TATDN3: variants seen among roughly 807,000 people sequenced by gnomAD.
TATDN3 encodes deoxyribonuclease TATDN3.
A neutral mutation model predicts 40.1 loss-of-function variants in TATDN3; 29 were observed. The ratio of observed to expected loss-of-function variants is 0.72; its 90% CI spans 0.54 to 0.99. TATDN3 has a LOEUF of 0.99. Among genes scored for constraint, TATDN3 ranks in the 50% least tolerant of loss-of-function variants. The pLI is 0.00. For synonymous variants in TATDN3, 105 were observed against 117.0 expected, an observed-to-expected ratio of 0.90 and a Z score of 0.66; for missense variants, 309 against 321.9, an observed-to-expected ratio of 0.96 and a Z score of 0.31.
intron 7 of TATDN3, among the ~76,000 whole-genome samples, chr1:212,805,678 C>G: frequency 6.6e-6 from 1 of 152,170 alleles, no homozygotes. Context: ...GCTGCTACTT[C>G]AGAAATGCAG....
At position 212,791,920 on chromosome 1, in the gene TATDN3, C is replaced by G. The variant is rs115784129; in HGVS notation, c.-2C>G. 2.7e-3 allele frequency: 4,341 copies of G among 1,613,444 alleles called. 102 individuals carry two copies. In the African/African-American group the frequency reaches 0.052, roughly 19 times the overall value. ...GTCTAAAGCGGCAGCCGCCGGGGCG[C>G]AATGCGAGCGGCTGGCGTAGGCTTG... On this transcript the variant is annotated 5_prime_UTR_variant, in exon 1 of 10. Coordinates refer to ENST00000366974, the MANE Select transcript of TATDN3 (RefSeq NM_001042552.3).
chr1:212,792,728 C>G (rs1461771757), intron 1 of TATDN3, among the ~76,000 whole-genome samples: 1 of 151,254 alleles, frequency 6.6e-6, no homozygotes, highest in African/African-American at 2.4e-5. Context: ...ACTTGTAATC[C>G]TAGCACTATG....
At chr1:212,814,941 C>T (rs1663104893) in intron 9 of TATDN3, 72 bp from the exon 10 acceptor site, 12 of 1,466,684 alleles carry the variant, frequency 8.2e-6, no homozygotes, top group Non-Finnish European at 1.1e-5. Context: ...TCATTTTCTT[C>T]TATCTATAGT....
intron 5 of TATDN3, among the ~76,000 whole-genome samples, chr1:212,803,309 A>C (rs948186065): frequency 6.6e-6 from 1 of 151,674 alleles, no homozygotes; most frequent in African/African-American, 2.4e-5. Context: ...CAGCCTCCCT[A>C]CTAGCTGGGA....
intron 2 of TATDN3, 91 bp downstream of exon 2, chr1:212,795,218 A>G: frequency 2.6e-6 from 2 of 775,440 alleles, no homozygotes; most frequent in East Asian, 2.6e-5. Context: ...TACTACCTTG[A>G]TGTTTCAGTA....
rs994172180 is a variant in TATDN3 at position 212,796,509 on chromosome 1, T to TC, written c.100-8_100-7insC. ...TGTTTGTAACTTTATTCTTTTTTTTTTTTTCAGGCCAATGTTGTGGCCCTT... is the reference window on the plus strand; with the variant it reads ...TGTTTGTAACTTTATTCTTTTTTTTTCTTTTCAGGCCAATGTTGTGGCCCTT... On this transcript the variant is annotated splice_region_variant and splice_polypyrimidine_tract_variant and intron_variant, in intron 2 of 9. Coordinates refer to ENST00000366974, the MANE Select transcript of TATDN3 (RefSeq NM_001042552.3). The TC allele has an allele frequency of 3.9e-6, 6 of 1,526,244 alleles. No homozygotes were observed. Among genetic ancestry groups the TC allele is most frequent in the East Asian group, 2.4e-5 (1 of 42,476 alleles). 94.5% of individuals were successfully genotyped at this position (1,526,244 alleles called of 1,614,324 possible).
chr1:212,808,695 A>G (rs192268748), intron 8 of TATDN3, among the ~76,000 whole-genome samples: 1 of 152,334 alleles, frequency 6.6e-6, no homozygotes, highest in Non-Finnish European at 1.5e-5. Flanking sequence ...CAAATGGCCA[A>G]TAAGCTCATA....
intron 1 of TATDN3, chr1:212,794,833 G>A (rs1238859063): frequency 1.7e-6 from 1 of 599,110 alleles, no homozygotes; most frequent in Non-Finnish European, 3.1e-6. Context: ...ATGCTGCTGA[G>A]GAGTAGAGTA....
intron 4 of TATDN3, among the ~76,000 whole-genome samples, chr1:212,798,225 C>T (rs759179072): frequency 3.3e-5 from 5 of 151,680 alleles, no homozygotes; most frequent in Non-Finnish European, 5.9e-5. Flanking sequence ...ACTCGGGAGA[C>T]TAAGGTGGGA....
intron 9 of TATDN3, among the ~76,000 whole-genome samples, chr1:212,813,187 A>G (rs913363437): frequency 6.6e-6 from 1 of 152,150 alleles, no homozygotes; most frequent in Non-Finnish European, 1.5e-5. Flanking sequence ...GGGTTTATTT[A>G]TATGATCTTT....
At chr1:212,796,739 C>CT (rs76166503) in intron 3 of TATDN3, 149 bp downstream of exon 3, 4,516 of 495,738 alleles carry the variant, frequency 9.1e-3, no homozygotes, top group South Asian at 0.014. Context: ...CTACTTATTC[C>CT]TTTTTTTTTT....
chr1:212,794,959 GGC>G, intron 1 of TATDN3, 134 bp from the exon 2 acceptor site: 1 of 695,380 alleles, frequency 1.4e-6, no homozygotes, highest in Non-Finnish European at 2.6e-6. Context: ...GGTCAGTGTA[GGC>G]TCTTTGTTTT....
chr1:212,812,046 G>A (rs1469594342), intron 8 of TATDN3, among the ~76,000 whole-genome samples: 2 of 151,956 alleles, frequency 1.3e-5, no homozygotes, highest in African/African-American at 4.8e-5. Flanking sequence ...TGTTGGTCAG[G>A]CTGGTCTTGA....
At chr1:212,812,435 T>C in intron 9 of TATDN3, 107 bp downstream of exon 9, 2 of 643,384 alleles carry the variant, frequency 3.1e-6, no homozygotes, top group Non-Finnish European at 5.4e-6. Flanking sequence ...GGAATCCTCA[T>C]ATACTGCCAG....
At chr1:212,793,296 T>G (rs1423947794) in intron 1 of TATDN3, among the ~76,000 whole-genome samples, 1 of 152,174 alleles carries the variant, frequency 6.6e-6, no homozygotes, top group African/African-American at 2.4e-5. Context: ...CATTGCAACC[T>G]CCACCTCCTG....
In TATDN3 at chr1:212,802,335, G is replaced by A. The variant is rs553720126; in HGVS notation, c.259-366G>A. Among the ~76,000 whole-genome samples, 5 of 152,278 alleles carry A rather than the reference G, an allele frequency of 3.3e-5. No homozygotes were observed. In the East Asian group the frequency reaches 7.7e-4, roughly 23 times the overall value. ...AAGGGGAGAACACAACAATGCAATC[G>A]CAAAGCTCACATGCAGAGATGACTC... On this transcript the variant is annotated intron_variant, in intron 4 of 9. Coordinates refer to ENST00000366974, the MANE Select transcript of TATDN3 (RefSeq NM_001042552.3).
chr1:212,793,751 A>G (rs1425902810), intron 1 of TATDN3, among the ~76,000 whole-genome samples: 1 of 152,204 alleles, frequency 6.6e-6, no homozygotes, highest in Non-Finnish European at 1.5e-5. Context: ...GGAGGAGTCA[A>G]GGATGACTCA....
chr1:212,803,601 G>A (rs181556039), intron 5 of TATDN3, among the ~76,000 whole-genome samples: 539 of 152,230 alleles, frequency 3.5e-3, no homozygotes, highest in Middle Eastern at 0.01. Context: ...AATAGTCCCA[G>A]GAGGAGTCAT....
Position 212,803,677 on chromosome 1 carries a change from T to C in TATDN3, c.322-643T>C, listed in dbSNP as rs184317325. 2.0e-3 allele frequency among the ~76,000 whole-genome samples: 297 copies of C among 151,870 alleles called. 1 individual carries two copies. Among genetic ancestry groups the C allele is most frequent in the African/African-American group, 6.9e-3 (285 of 41,382 alleles). On this transcript the variant is annotated intron_variant, in intron 5 of 9. Transcript: ENST00000366974. ...TTCTGAGCATTTGAAATGTGACTGC[T>C]CTGAATTAAGATGTGTTGTAAGTGT...
Sources: gnomAD v4.1 joint callset for allele counts (sites outside exome capture counted in the v4.1 genomes callset) on GRCh38, gnomAD v4.1.1 for gene constraint, MANE v1.5 for transcripts, NCBI Gene and HGNC (gene_info 2026-07-23, HGNC 2026-07-21) for gene names.